The following TMEM232 variants were observed in gnomAD, a reference collection of about 807,000 sequenced individuals.
The protein encoded by TMEM232 is transmembrane protein 232.
TMEM232 carries 80 observed loss-of-function variants against 78.8 expected under a neutral mutation model. The ratio of observed to expected loss-of-function variants is 1.01; its 90% CI spans 0.85 to 1.22. The LOEUF is 1.22. Ranked by LOEUF, TMEM232 falls within the 50% of genes most tolerant of loss-of-function variation. The pLI, the probability that TMEM232 is intolerant of heterozygous loss-of-function variation, is 0.00. For missense variants in TMEM232, 881 were observed against 742.2 expected (o/e 1.19, Z -2.17); for synonymous variants, 297 against 254.3 (o/e 1.17, Z -1.60).
intron 12 of TMEM232, among the ~76,000 whole-genome samples, chr5:110,497,076 T>C (rs1330327268): frequency 1.3e-5 from 2 of 151,922 alleles, no homozygotes; most frequent in Non-Finnish European, 2.9e-5. Context: ...GATAAGGAAT[T>C]TGGATCAGAT....
chr5:110,707,232 C>A (rs1258282607), intron 1 of TMEM232, among the ~76,000 whole-genome samples: 1 of 152,154 alleles, frequency 6.6e-6, no homozygotes, highest in Non-Finnish European at 1.5e-5. Context: ...CTTCATATTA[C>A]TGAAAGAGGC....
At chr5:110,642,743 AC>A (rs1167436622) in intron 2 of TMEM232, among the ~76,000 whole-genome samples, 3 of 152,148 alleles carry the variant, frequency 2.0e-5, no homozygotes, top group Admixed American at 1.3e-4. Context: ...TTTAAGCTAA[AC>A]TTTTACTCCT....
intron 12 of TMEM232, among the ~76,000 whole-genome samples, chr5:110,425,419 A>C (rs1391255232): frequency 6.6e-6 from 1 of 152,114 alleles, no homozygotes; most frequent in African/African-American, 2.4e-5. Flanking sequence ...AATTGTGTGA[A>C]TCCAGGAACA....
At chr5:110,617,808 CAACA>C (rs144650087) in intron 8 of TMEM232, 19,328 of 147,406 alleles carry the variant, frequency 0.13, 1,391 homozygotes, top group East Asian at 0.25. Context: ...ACTAAAAAAT[CAACA>C]AACAAACAAA....
intron 1 of TMEM232, among the ~76,000 whole-genome samples, chr5:110,695,973 T>C (rs1428094897): frequency 6.6e-6 from 1 of 152,186 alleles, no homozygotes; most frequent in East Asian, 1.9e-4. Flanking sequence ...ATCATCCTGA[T>C]ACCAAAGCCT....
At chr5:110,575,697 A>G in intron 10 of TMEM232, among the ~76,000 whole-genome samples, 1 of 151,978 alleles carries the variant, frequency 6.6e-6, no homozygotes, top group East Asian at 1.9e-4. Context: ...CCAACCAGGG[A>G]GCAACATGGA....
upstream of TMEM232, among the ~76,000 whole-genome samples, chr5:110,738,464 C>A (rs140497161): frequency 1.4e-4 from 21 of 152,294 alleles, no homozygotes; most frequent in African/African-American, 4.1e-4. Context: ...CTTTCACCCC[C>A]GACGTGCACT....
chr5:110,607,039 T>A (rs1561375100), intron 8 of TMEM232, among the ~76,000 whole-genome samples: 1 of 152,044 alleles, frequency 6.6e-6, no homozygotes, highest in Non-Finnish European at 1.5e-5. Flanking sequence ...ACAAGATTAT[T>A]TGAATTTCAC....
intron 1 of TMEM232, among the ~76,000 whole-genome samples, chr5:110,674,202 A>G (rs1282503423): frequency 6.6e-6 from 1 of 152,188 alleles, no homozygotes; most frequent in Non-Finnish European, 1.5e-5. Context: ...TAATTTACTG[A>G]TGACAAAATA....
At chr5:110,405,674 A>G (rs1453246054) in intron 2 of TMEM232, among the ~76,000 whole-genome samples, 1 of 151,284 alleles carries the variant, frequency 6.6e-6, no homozygotes, top group African/African-American at 2.4e-5. Flanking sequence ...TGTAAAAGAA[A>G]GATTCAATGA....
chr5:110,580,051 A>C (rs1389490379), intron 10 of TMEM232, among the ~76,000 whole-genome samples: 1 of 151,676 alleles, frequency 6.6e-6, no homozygotes, highest in Admixed American at 6.6e-5. Context: ...TAAGTCAAAA[A>C]ACGGTCACAA....
chr5:110,597,075 G>C (rs1392293681), intron 10 of TMEM232, among the ~76,000 whole-genome samples: 10 of 152,118 alleles, frequency 6.6e-5, no homozygotes, highest in Non-Finnish European at 1.5e-4. Context: ...AAGTCAAATT[G>C]TCCCTGTTTG....
chr5:110,578,634 T>C (rs1777831501), intron 10 of TMEM232, among the ~76,000 whole-genome samples: 1 of 151,874 alleles, frequency 6.6e-6, no homozygotes, highest in Admixed American at 6.6e-5. Flanking sequence ...CTTCATCCCA[T>C]TTGAGGACTT....
intron 11 of TMEM232, among the ~76,000 whole-genome samples, chr5:110,541,597 C>T (rs535615736): frequency 2.6e-5 from 4 of 152,208 alleles, no homozygotes; most frequent in African/African-American, 4.8e-5. Context: ...AGCATGGAGG[C>T]TTCAATCCTC....
In TMEM232 at chr5:110,596,509, T is replaced by C. The variant is rs187572331; in HGVS notation, c.1276+8600A>G. Among the ~76,000 whole-genome samples, 1,017 of 152,286 alleles carry C rather than the reference T, an allele frequency of 6.7e-3. 15 individuals carry two copies. Among genetic ancestry groups the C allele is most frequent in the African/African-American group, 0.023 (976 of 41,554 alleles). On this transcript the variant is annotated intron_variant, in intron 10 of 13. Coordinates refer to ENST00000455884, the MANE Select transcript of TMEM232 (RefSeq NM_001039763.4). ...AAAAGAGGGAATCCTCCCTAACTCA[T>C]TTTATGAGGCCAGCATCATCCTGAT...
chr5:110,476,746 G>C (rs1187636571), intron 12 of TMEM232, among the ~76,000 whole-genome samples: 1 of 152,014 alleles, frequency 6.6e-6, no homozygotes, highest in Non-Finnish European at 1.5e-5. Flanking sequence ...AATTATTACA[G>C]CACGTTTGGA....
chr5:110,565,673 G>A (rs1776261355), intron 11 of TMEM232, among the ~76,000 whole-genome samples: 1 of 151,926 alleles, frequency 6.6e-6, no homozygotes, highest in South Asian at 2.1e-4. Context: ...CTCACCTACT[G>A]CTTTGGTATG....
intron 1 of TMEM232, among the ~76,000 whole-genome samples, chr5:110,679,373 C>T (rs890360944): frequency 2.0e-5 from 3 of 152,018 alleles, no homozygotes; most frequent in African/African-American, 7.2e-5. Flanking sequence ...AATCATGTTG[C>T]TTGTTTTTTT....
At position 110,401,886 on chromosome 5, in the gene TMEM232, A is replaced by C. The variant is rs1239884444; in HGVS notation, n.309-4032T>G. On this transcript the variant is annotated intron_variant and non_coding_transcript_variant, in intron 2 of 8. Transcript: ENST00000507188. ...AAGCGGTGATTGTCCAGAGCTGAGG[A>C]GTGTTGCCTCATTTAAAGGGCATAT... Among the ~76,000 whole-genome samples, 3 of 152,064 alleles carry C rather than the reference A, an allele frequency of 2.0e-5. No individual in the cohort carries two copies. In the East Asian group the frequency reaches 5.8e-4, roughly 29 times the overall value.
Sources: gnomAD v4.1 joint callset for allele counts (sites outside exome capture counted in the v4.1 genomes callset) on GRCh38, gnomAD v4.1.1 for gene constraint, MANE v1.5 for transcripts, NCBI Gene and HGNC (gene_info 2026-07-23, HGNC 2026-07-21) for gene names.